The following KIAA0825 variants were observed in gnomAD, a reference collection of about 807,000 sequenced individuals.
KIAA0825 encodes the protein KIAA0825.
KIAA0825 carries 119 observed loss-of-function variants against 147.6 expected under a neutral mutation model. That is an observed-to-expected ratio of 0.81 (90% CI 0.69 to 0.94). The LOEUF is 0.94. KIAA0825 is among the 40% of genes least tolerant of loss of function. KIAA0825 has a pLI of 0.00. For synonymous variants in KIAA0825, 470 were observed against 518.1 expected (o/e 0.91, Z 1.26); for missense variants, 1,381 against 1,472.7 (o/e 0.94, Z 1.02).
intron 20 of KIAA0825, among the ~76,000 whole-genome samples, chr5:94,165,723 CATT>C (rs1767971582): frequency 6.6e-6 from 1 of 152,110 alleles, no homozygotes. Flanking sequence ...AACTGGAGAT[CATT>C]ATGTTAAGTG....
chr5:94,485,288 T>C (rs1562546456), intron 5 of KIAA0825, among the ~76,000 whole-genome samples: 1 of 151,620 alleles, frequency 6.6e-6, no homozygotes, highest in Non-Finnish European at 1.5e-5. Flanking sequence ...AAACCCAAAT[T>C]GAGGGACAGT....
intron 1 of KIAA0825, among the ~76,000 whole-genome samples, chr5:94,599,038 T>C (rs77237074): frequency 0.047 from 7,127 of 152,254 alleles, 275 homozygotes; most frequent in Admixed American, 0.11. Flanking sequence ...AGTTTTTCTT[T>C]TTAGAAAGCT....
intron 20 of KIAA0825, among the ~76,000 whole-genome samples, chr5:94,226,777 C>T (rs1774205104): frequency 6.6e-6 from 1 of 151,824 alleles, no homozygotes; most frequent in Non-Finnish European, 1.5e-5. Context: ...ATTTATGCAG[C>T]CAAAAAACAC....
rs534373921 is a variant in KIAA0825, at chr5:94,308,344, G to A, written c.3710+76024C>T. 1.6e-3 allele frequency among the ~76,000 whole-genome samples: 246 copies of A among 151,758 alleles called. 6 individuals are homozygous for A. Among genetic ancestry groups the A allele is most frequent in the Non-Finnish European group, 9.6e-4 (65 of 67,782 alleles). ...TTAAATTAGAATTTAAGCACTTACA[G>A]GAGAGAGAATGATTAGATGCAGTTT... On this transcript the variant is annotated intron_variant, in intron 20 of 20. Transcript: ENST00000682413.
At chr5:94,596,050 A>C (rs1785251181) in intron 1 of KIAA0825, among the ~76,000 whole-genome samples, 3 of 151,958 alleles carry the variant, frequency 2.0e-5, no homozygotes, top group Admixed American at 1.3e-4. Context: ...CTGTCTTTTT[A>C]CTCTGTTGAT....
chr5:94,373,483 A>G (rs1747047327), intron 20 of KIAA0825, among the ~76,000 whole-genome samples: 1 of 152,196 alleles, frequency 6.6e-6, no homozygotes, highest in Non-Finnish European at 1.5e-5. Flanking sequence ...ATGGCTGCAG[A>G]GGCCCCAGGA....
chr5:94,426,389 A>G, intron 14 of KIAA0825, among the ~76,000 whole-genome samples: 1 of 152,158 alleles, frequency 6.6e-6, no homozygotes, highest in Non-Finnish European at 1.5e-5. Flanking sequence ...AAAATAATAA[A>G]ATCACGTCAT....
intron 20 of KIAA0825, among the ~76,000 whole-genome samples, chr5:94,272,384 G>A (rs1047832453): frequency 2.0e-5 from 3 of 152,060 alleles, no homozygotes; most frequent in African/African-American, 7.2e-5. Context: ...AAATGCTTGA[G>A]GTGATGGATA....
chr5:94,615,821 G>A (rs1443080868), intron 1 of KIAA0825: 2 of 151,936 alleles, frequency 1.3e-5, no homozygotes, highest in African/African-American at 4.8e-5. Flanking sequence ...TTCAATAAAT[G>A]CTTATTTTTT....
intron 20 of KIAA0825, among the ~76,000 whole-genome samples, chr5:94,188,288 T>C (rs1257286110): frequency 6.6e-6 from 1 of 152,236 alleles, no homozygotes; most frequent in African/African-American, 2.4e-5. Flanking sequence ...TTTTATAAAG[T>C]GTTGATACTT....
chr5:94,607,164 T>A (rs1442106591), intron 1 of KIAA0825, among the ~76,000 whole-genome samples: 2 of 152,142 alleles, frequency 1.3e-5, no homozygotes, highest in African/African-American at 2.4e-5. Context: ...ATAGAAAGTA[T>A]GAAGTTATAT....
chr5:94,568,936 C>T (rs918130704), intron 2 of KIAA0825: 3 of 165,404 alleles, frequency 1.8e-5, no homozygotes, highest in East Asian at 1.6e-4. Flanking sequence ...CTCCTAATCA[C>T]ATAACCTGTT....
chr5:94,224,348 G>A (rs948947018), intron 20 of KIAA0825, among the ~76,000 whole-genome samples: 23 of 151,328 alleles, frequency 1.5e-4, no homozygotes, highest in Non-Finnish European at 2.9e-4. Flanking sequence ...AGCCCATCTC[G>A]GCCTCCCAAA....
At position 94,228,260 on chromosome 5, in the gene KIAA0825, G is replaced by C. The variant is rs539291858; in HGVS notation, c.3711-74136C>G. 2.2e-4 allele frequency among the ~76,000 whole-genome samples: 34 copies of C among 152,008 alleles called. 1 individual carries two copies. The highest frequency in any genetic ancestry group is 4.9e-4 in the Non-Finnish European group (33 of 67,998). The stretch of plus-strand genomic sequence containing the variant: ...TTAAAAGCCTAAATAATACATAATG[G>C]AAAATATGTCATTTTCTCACCCTTC... On this transcript the variant is annotated intron_variant, in intron 20 of 20. Transcript: ENST00000682413.
intron 18 of KIAA0825, among the ~76,000 whole-genome samples, chr5:94,387,578 C>G (rs1749329164): frequency 6.6e-6 from 1 of 151,972 alleles, no homozygotes; most frequent in African/African-American, 2.4e-5. Context: ...ACCTGTAATC[C>G]CAGCTACTTA....
chr5:94,238,385 T>C (rs892486342), intron 20 of KIAA0825, among the ~76,000 whole-genome samples: 1 of 152,226 alleles, frequency 6.6e-6, no homozygotes, highest in Non-Finnish European at 1.5e-5. Context: ...CTCTCAGTTT[T>C]ATACATCTGA....
chr5:94,615,960 G>A (rs1177558829), intron 1 of KIAA0825, among the ~76,000 whole-genome samples: 1 of 151,976 alleles, frequency 6.6e-6, no homozygotes, highest in Non-Finnish European at 1.5e-5. Flanking sequence ...AAAATTTAGA[G>A]GATCTGGATT....
chr5:94,276,529 C>T (rs1019033620), intron 20 of KIAA0825, among the ~76,000 whole-genome samples: 2 of 150,984 alleles, frequency 1.3e-5, no homozygotes, highest in Non-Finnish European at 3.0e-5. Flanking sequence ...ATCGCTATGC[C>T]GCTTATAATA....
chr5:94,279,096 A>C lies in KIAA0825; in HGVS notation c.3710+105272T>G, dbSNP rs576147741. On this transcript the variant is annotated intron_variant, in intron 20 of 20. Transcript: ENST00000682413. Reference sequence around the variant, plus strand: ...AAGCACCTATATTGTAATTAATGAAAGATTATAAACTATGAATTAGTAACA... The same window carrying C: ...AAGCACCTATATTGTAATTAATGAACGATTATAAACTATGAATTAGTAACA... Among the ~76,000 whole-genome samples the C allele has an allele frequency of 2.0e-5, 3 of 152,212 alleles. No homozygotes were observed. The East Asian group carries it at 5.8e-4, about 29-fold the overall frequency.
Sources: gnomAD v4.1 joint callset for allele counts (sites outside exome capture counted in the v4.1 genomes callset) on GRCh38, gnomAD v4.1.1 for gene constraint, MANE v1.5 for transcripts, NCBI Gene and HGNC (gene_info 2026-07-23, HGNC 2026-07-21) for gene names.